The following TSNARE1 variants were observed in gnomAD, a reference collection of about 807,000 sequenced individuals.
The protein encoded by TSNARE1 is t-SNARE domain-containing protein 1.
Under a neutral mutation model 62.0 loss-of-function variants are expected in TSNARE1, and 49 were observed. The ratio of observed to expected loss-of-function variants is 0.79; its 90% CI spans 0.63 to 1.00. The LOEUF is 1.00. TSNARE1 is among the 50% of genes least tolerant of loss of function. The probability of loss-of-function intolerance (pLI) is 0.00; values close to 1 mark genes in which losing one functional copy is unlikely to be tolerated. For missense variants in TSNARE1, 755 were observed against 700.1 expected, an observed-to-expected ratio of 1.08 and a Z score of -0.88; for synonymous variants, 328 against 294.4, an observed-to-expected ratio of 1.11 and a Z score of -1.17.
Position 142,331,820 on chromosome 8 carries a change from C to T in TSNARE1, c.757G>A (p.Asp253Asn), listed in dbSNP as rs550680126. 16 of 1,608,342 alleles carry T rather than the reference C, an allele frequency of 9.9e-6. No homozygotes were observed. Among genetic ancestry groups the T allele is most frequent in the East Asian group, 4.5e-5 (2 of 44,586 alleles). Reference protein sequence around the residue: ...SLEPPRATQVDPCNLQELFQE... With the variant: ...SLEPPRATQVNPCNLQELFQE... ...AACAGCTCCTGGAGGTTGCACGGATCGACCTGGGTGGCTGGGAGAAGACAG... is the reference window on the plus strand; with the variant it reads ...AACAGCTCCTGGAGGTTGCACGGATTGACCTGGGTGGCTGGGAGAAGACAG... The change falls in exon 5 of 14, where the codon GAT becomes AAT. Residue 253 changes from aspartate to asparagine, a missense_variant. Asp to Asn is a conservative substitution (Grantham distance 23). Coordinates refer to ENST00000524325, the MANE Select transcript of TSNARE1 (RefSeq NM_145003.5).
intron 1 of TSNARE1, among the ~76,000 whole-genome samples, chr8:142,398,816 T>C (rs746805435): frequency 6.6e-6 from 1 of 152,160 alleles, no homozygotes; most frequent in African/African-American, 2.4e-5. Flanking sequence ...CCTGCTTGCC[T>C]GCAGTGGCCC....
intron 1 of TSNARE1, among the ~76,000 whole-genome samples, chr8:142,390,860 C>T (rs796540341): frequency 2.9e-3 from 155 of 53,834 alleles, no homozygotes; most frequent in Non-Finnish European, 3.9e-3. Context: ...CGGGGGACTC[C>T]GTAACAGACG....
At chr8:142,238,118 T>C (rs1817523932) in intron 12 of TSNARE1, among the ~76,000 whole-genome samples, 1 of 149,098 alleles carries the variant, frequency 6.7e-6, no homozygotes, top group Admixed American at 6.6e-5. Flanking sequence ...CCGCCCCCCC[T>C]CCACCCTGCA....
intron 11 of TSNARE1, chr8:142,278,536 C>G: frequency 1.0e-6 from 1 of 985,452 alleles, no homozygotes; most frequent in Non-Finnish European, 1.2e-6. Flanking sequence ...GGCGAAGGAG[C>G]TCCTGGCACG....
intron 12 of TSNARE1, among the ~76,000 whole-genome samples, chr8:142,230,567 A>G (rs1817053604): frequency 6.6e-6 from 1 of 152,134 alleles, no homozygotes; most frequent in African/African-American, 2.4e-5. Context: ...TGTCCATGAA[A>G]GATGGGCAGG....
At chr8:142,375,840 C>T (rs1425196697) in intron 1 of TSNARE1, among the ~76,000 whole-genome samples, 1 of 152,192 alleles carries the variant, frequency 6.6e-6, no homozygotes, top group African/African-American at 2.4e-5. Flanking sequence ...CATGAGGCTC[C>T]AGCTTCCAGC....
At chr8:142,340,309 G>C (rs1386106403) in intron 4 of TSNARE1, among the ~76,000 whole-genome samples, 1 of 152,208 alleles carries the variant, frequency 6.6e-6, no homozygotes, top group Non-Finnish European at 1.5e-5. Context: ...CTTTATAGAG[G>C]AGGAAGCGGA....
At position 142,300,489 on chromosome 8, in the gene TSNARE1, C is replaced by T. The variant is rs1228337816; in HGVS notation, c.1287G>A (p.Met429Ile). The change falls in exon 10 of 14, where the codon ATG (methionine) becomes ATA (isoleucine). Residue 429 changes from methionine to isoleucine, a missense_variant. By Grantham distance (10) the Met-to-Ile change is conservative (BLOSUM62 1). Transcript: ENST00000524325. ...IRLREEAILQ[M>I]ESNLLDVNQI... ...CGCTTGCCCACGCCAGCCTCACCTC[C>T]ATCTGCAGGATGGCCTCCTCCCGCA... 1 of 1,602,338 alleles carries T rather than the reference C, an allele frequency of 6.2e-7. No individual in the cohort carries two copies. Among genetic ancestry groups the T allele is most frequent in the East Asian group, 2.2e-5 (1 of 44,794 alleles).
intron 1 of TSNARE1, among the ~76,000 whole-genome samples, chr8:142,389,536 T>C (rs565254634): frequency 4.9e-4 from 74 of 152,306 alleles, no homozygotes; most frequent in African/African-American, 1.6e-3. Context: ...ACCACCCATT[T>C]TGTAATAGGA....
chr8:142,327,849 G>A (rs779930190), intron 6 of TSNARE1, among the ~76,000 whole-genome samples: 5 of 152,172 alleles, frequency 3.3e-5, no homozygotes, highest in African/African-American at 9.7e-5. Context: ...CACCTCACGC[G>A]GAGCAGCAGC....
chr8:142,359,714 G>A (rs1363868569), intron 1 of TSNARE1, among the ~76,000 whole-genome samples: 2 of 152,220 alleles, frequency 1.3e-5, no homozygotes, highest in African/African-American at 4.8e-5. Context: ...TCACCTGTGT[G>A]AGCAATGCTG....
intron 4 of TSNARE1, among the ~76,000 whole-genome samples, chr8:142,337,458 C>G (rs115310502): frequency 0.038 from 5,855 of 152,356 alleles, 399 homozygotes; most frequent in African/African-American, 0.13. Flanking sequence ...AGTGGAAACG[C>G]AGGCTGTGCT....
chr8:142,280,365 G>A (rs963881779), intron 11 of TSNARE1: 7 of 979,722 alleles, frequency 7.1e-6, no homozygotes, highest in African/African-American at 3.5e-5. Flanking sequence ...CAGAGACCCT[G>A]GGGAGAGCAG....
chr8:142,281,062 C>T (rs764288259), intron 11 of TSNARE1, among the ~76,000 whole-genome samples: 1 of 152,148 alleles, frequency 6.6e-6, no homozygotes, highest in Non-Finnish European at 1.5e-5. Flanking sequence ...TGAGGGTCTC[C>T]GGACACACTG....
intron 1 of TSNARE1, among the ~76,000 whole-genome samples, chr8:142,389,342 A>AT: frequency 6.6e-6 from 1 of 152,342 alleles, no homozygotes; most frequent in East Asian, 1.9e-4. Flanking sequence ...CTGGGCAATG[A>AT]TTTTTTTAAT....
intron 1 of TSNARE1, among the ~76,000 whole-genome samples, chr8:142,361,729 C>G (rs1835177509): frequency 6.6e-6 from 1 of 152,166 alleles, no homozygotes; most frequent in East Asian, 1.9e-4. Context: ...TTCACACTCC[C>G]TAAATGAACC....
intron 1 of TSNARE1, among the ~76,000 whole-genome samples, chr8:142,372,878 A>G (rs952556285): frequency 6.8e-5 from 10 of 148,126 alleles, no homozygotes; most frequent in Admixed American, 2.0e-4. Flanking sequence ...CCTCCTGAGA[A>G]GGCCACCCCA....
At chr8:142,290,211 A>G (rs1213902489) in intron 10 of TSNARE1, among the ~76,000 whole-genome samples, 3 of 152,132 alleles carry the variant, frequency 2.0e-5, no homozygotes, top group Non-Finnish European at 4.4e-5. Flanking sequence ...CAGGCCTGAG[A>G]AGGGTGGGGC....
chr8:142,239,279 G>A (rs993685856), intron 12 of TSNARE1, among the ~76,000 whole-genome samples: 5 of 152,204 alleles, frequency 3.3e-5, no homozygotes, highest in African/African-American at 1.2e-4. Flanking sequence ...GCAGAAGAAG[G>A]TGGCCGGGGG....
Sources: gnomAD v4.1 joint callset for allele counts (sites outside exome capture counted in the v4.1 genomes callset) on GRCh38, gnomAD v4.1.1 for gene constraint, MANE v1.5 for transcripts, NCBI Gene and HGNC (gene_info 2026-07-23, HGNC 2026-07-21) for gene names.